PAPPA2: variants seen among roughly 807,000 people sequenced by gnomAD.
PAPPA2 encodes pappalysin 2, also known as pappalysin-2.
PAPPA2 carries 86 observed loss-of-function variants against 176.4 expected under a neutral mutation model. The ratio of observed to expected loss-of-function variants is 0.49; its 90% CI spans 0.41 to 0.58. The LOEUF is 0.58. PAPPA2 is among the 20% of genes least tolerant of loss of function. The probability of loss-of-function intolerance (pLI) is 0.00; values close to 1 mark genes in which losing one functional copy is unlikely to be tolerated. For synonymous variants in PAPPA2, 809 were observed against 852.2 expected, an observed-to-expected ratio of 0.95 and a Z score of 0.88; for missense variants, 2,073 against 2,256.9, an observed-to-expected ratio of 0.92 and a Z score of 1.65.
At chr1:176,550,255 G>C (rs1211065795) in intron 1 of PAPPA2, among the ~76,000 whole-genome samples, 1 of 152,188 alleles carries the variant, frequency 6.6e-6, no homozygotes, top group Non-Finnish European at 1.5e-5. Context: ...CACTTGCTTT[G>C]CATTCACGTT....
intron 21 of PAPPA2, among the ~76,000 whole-genome samples, chr1:176,808,564 A>T (rs1666008285): frequency 2.0e-5 from 3 of 152,080 alleles, no homozygotes; most frequent in Non-Finnish European, 4.4e-5. Flanking sequence ...AATTATAGTT[A>T]TTTTTTTTAA....
intron 2 of PAPPA2, among the ~76,000 whole-genome samples, chr1:176,591,378 G>A (rs1653654705): frequency 6.6e-6 from 1 of 152,178 alleles, no homozygotes; most frequent in African/African-American, 2.4e-5. Context: ...TTGTTAACAA[G>A]ACAGGTCAGT....
rs1660701213 is a variant in PAPPA2, at chr1:176,702,604, C to G, written c.3237-3C>G. ...GTGGTCACAAACCCTTTGGTTTCCA[C>G]AGGGAGGTCACACCTGGACAGATGT... On this transcript the variant is annotated splice_polypyrimidine_tract_variant and splice_region_variant and intron_variant, in intron 8 of 22. Coordinates refer to ENST00000367662, the MANE Select transcript of PAPPA2 (RefSeq NM_020318.3). The G allele has an allele frequency of 6.2e-7, 1 of 1,613,786 alleles. No individual in the cohort carries two copies. Among genetic ancestry groups the G allele is most frequent in the African/African-American group, 1.3e-5 (1 of 74,920 alleles).
At chr1:176,491,292 G>A (rs919937208) in intron 1 of PAPPA2, among the ~76,000 whole-genome samples, 2 of 152,340 alleles carry the variant, frequency 1.3e-5, no homozygotes, top group Non-Finnish European at 2.9e-5. Flanking sequence ...TGCACTATCT[G>A]TGTGGATTAG....
intron 2 of PAPPA2, among the ~76,000 whole-genome samples, chr1:176,558,855 G>T (rs1308146740): frequency 2.0e-5 from 3 of 152,162 alleles, no homozygotes; most frequent in Middle Eastern, 3.4e-3. Context: ...AAAGACCGGG[G>T]ATCAATTCCC....
At chr1:176,630,364 G>C (rs1049866669) in intron 3 of PAPPA2, among the ~76,000 whole-genome samples, 2 of 152,156 alleles carry the variant, frequency 1.3e-5, no homozygotes, top group Non-Finnish European at 2.9e-5. Context: ...CAAAAGCACA[G>C]AGATGTGAAA....
chr1:176,730,944 T>G (rs996202624), intron 12 of PAPPA2, among the ~76,000 whole-genome samples: 2 of 152,086 alleles, frequency 1.3e-5, no homozygotes, highest in African/African-American at 4.8e-5. Flanking sequence ...TATTAGATAT[T>G]TTTTTCTCCT....
chr1:176,505,636 A>G (rs1041634210), intron 1 of PAPPA2, among the ~76,000 whole-genome samples: 3 of 152,058 alleles, frequency 2.0e-5, no homozygotes, highest in African/African-American at 7.2e-5. Context: ...AATTAGAAAA[A>G]ACTATTCTAA....
chr1:176,471,264 A>G (rs553129931), intron 1 of PAPPA2, among the ~76,000 whole-genome samples: 1 of 152,218 alleles, frequency 6.6e-6, no homozygotes, highest in East Asian at 1.9e-4. Flanking sequence ...CAGGGTTCAG[A>G]GGGACTCCTT....
At chr1:176,687,820 T>C (rs1659918171) in intron 4 of PAPPA2, among the ~76,000 whole-genome samples, 1 of 152,166 alleles carries the variant, frequency 6.6e-6, no homozygotes, top group Non-Finnish European at 1.5e-5. Flanking sequence ...TATCAAAAGA[T>C]ATTCTACCCC....
intron 2 of PAPPA2, among the ~76,000 whole-genome samples, chr1:176,580,552 C>T (rs1252972361): frequency 1.3e-5 from 2 of 152,150 alleles, no homozygotes; most frequent in Non-Finnish European, 2.9e-5. Flanking sequence ...TTATGAAGAA[C>T]CTCCATGCTG....
intron 3 of PAPPA2, among the ~76,000 whole-genome samples, chr1:176,630,242 G>A (rs749160318): frequency 3.3e-5 from 5 of 152,184 alleles, no homozygotes; most frequent in African/African-American, 9.7e-5. Flanking sequence ...GGAAACTTAC[G>A]TAGGTAGTAA....
chr1:176,465,987 T>G (rs1454274550), intron 1 of PAPPA2, among the ~76,000 whole-genome samples: 1 of 152,190 alleles, frequency 6.6e-6, no homozygotes, highest in East Asian at 1.9e-4. Flanking sequence ...TTTTTCTTAG[T>G]TATCTATAAA....
At position 176,769,625 on chromosome 1, in the gene PAPPA2, T is replaced by A. The variant is rs1158302804; in HGVS notation, c.4342T>A (p.Cys1448Ser). ...RPMQKEILLT[C>S]SSGHWDQNVS... ...TTTCTAGAAGGAAATTCTGCTCACA[T>A]GTTCTTCTGGGCACTGGGACCAGAA... Residue 1448 changes from cysteine to serine, a missense_variant, in exon 16 of 23, where the codon TGT (cysteine) becomes AGT (serine). Cys to Ser is a moderately radical substitution (Grantham distance 112). Coordinates refer to ENST00000367662, the MANE Select transcript of PAPPA2 (RefSeq NM_020318.3). 1 of 1,613,252 alleles carries A rather than the reference T, an allele frequency of 6.2e-7. No homozygotes were observed. The highest frequency in any genetic ancestry group is 8.5e-7 in the Non-Finnish European group (1 of 1,179,836).
intron 2 of PAPPA2, among the ~76,000 whole-genome samples, chr1:176,571,813 A>C (rs2102614631): frequency 6.6e-6 from 1 of 152,376 alleles, no homozygotes; most frequent in East Asian, 1.9e-4. Context: ...TTATGTGATT[A>C]CAAGATAAAT....
chr1:176,545,999 C>T (rs1406704369), intron 1 of PAPPA2, among the ~76,000 whole-genome samples: 3 of 152,124 alleles, frequency 2.0e-5, no homozygotes, highest in Non-Finnish European at 4.4e-5. Flanking sequence ...AAGAGGAAGG[C>T]AGAAACAGAG....
chr1:176,831,529 C>T lies in PAPPA2; in HGVS notation c.5203-8644C>T, dbSNP rs116272133. 4.3e-3 allele frequency among the ~76,000 whole-genome samples: 653 copies of T among 152,298 alleles called. 8 individuals are homozygous for T. Among genetic ancestry groups the T allele is most frequent in the African/African-American group, 0.015 (620 of 41,564 alleles). ...CCATTTTCACCCTTTGGGACTATAA[C>T]TCCATCCACCAGCACTGCCCTCCTC... On this transcript the variant is annotated intron_variant, in intron 21 of 22. Transcript: ENST00000367662.
intron 15 of PAPPA2, among the ~76,000 whole-genome samples, chr1:176,766,771 A>T (rs1663987828): frequency 6.6e-6 from 1 of 152,202 alleles, no homozygotes; most frequent in Non-Finnish European, 1.5e-5. Context: ...AGAAAACATG[A>T]CCATATTATA....
rs1160309253 is a variant in PAPPA2, at chr1:176,502,402, A to C, written c.-917+38984A>C. ...TTCTGATGTACTTATTCTATCTAAA[A>C]CTTTCTTCATTGGGAATGGCTAATG... On this transcript the variant is annotated intron_variant, in intron 1 of 22. Coordinates refer to ENST00000367662, the MANE Select transcript of PAPPA2 (RefSeq NM_020318.3). 5.9e-5 allele frequency among the ~76,000 whole-genome samples: 9 copies of C among 152,246 alleles called. No individual in the cohort carries two copies. In the East Asian group the frequency reaches 1.7e-3, roughly 29 times the overall value.
Sources: gnomAD v4.1 joint callset for allele counts (sites outside exome capture counted in the v4.1 genomes callset) on GRCh38, gnomAD v4.1.1 for gene constraint, MANE v1.5 for transcripts, NCBI Gene and HGNC (gene_info 2026-07-23, HGNC 2026-07-21) for gene names.